HESX1: variants seen among roughly 807,000 people sequenced by gnomAD.
HESX1 encodes the protein homeobox expressed in ES cells 1.
HESX1 carries 11 observed loss-of-function variants against 22.5 expected under a neutral mutation model. The ratio of observed to expected loss-of-function variants is 0.49; its 90% CI spans 0.31 to 0.81. HESX1 has a LOEUF of 0.81. HESX1 is among the 30% of genes least tolerant of loss of function. The pLI is 0.05. For synonymous variants in HESX1, 74 were observed against 76.5 expected, an observed-to-expected ratio of 0.97 and a Z score of 0.17; for missense variants, 201 against 212.6, an observed-to-expected ratio of 0.95 and a Z score of 0.34.
At chr3:57,213,693 G>A (rs1579361393) in intron 1 of HESX1, among the ~76,000 whole-genome samples, 1 of 152,156 alleles carries the variant, frequency 6.6e-6, no homozygotes, top group African/African-American at 2.4e-5. Flanking sequence ...TTGGGAGGTC[G>A]AGGCAGGCGG....
rs1559496395 is a variant in HESX1, at chr3:57,197,965, T to C, written c.*232A>G. On this transcript the variant is annotated 3_prime_UTR_variant, in exon 4 of 4. Transcript: ENST00000295934. ...AGATTAATTTGGCTTACTTAAAAAA[T>C]AGCAATCTTTTCTGAAAATGTTTAT... The C allele has an allele frequency of 2.8e-6, 1 of 353,746 alleles. No homozygotes were observed. Among genetic ancestry groups the C allele is most frequent in the Non-Finnish European group, 5.1e-6 (1 of 197,898 alleles). The allele number at this position is 353,746 out of a possible 1,614,324, so 21.9% of individuals were successfully genotyped here. A position where few individuals can be genotyped will look rare whatever the true frequency, so the allele number is the denominator to read the frequency against.
rs770965037 is a variant in HESX1, at chr3:57,199,872, G to A, written c.47C>T (p.Pro16Leu). The change falls in exon 1 of 4, where the codon CCC becomes CTC. Residue 16 changes from proline (P) to leucine (L), a missense_variant. Pro to Leu is a moderately conservative substitution (Grantham distance 98, BLOSUM62 -3). Coordinates refer to ENST00000295934, the MANE Select transcript of HESX1 (RefSeq NM_003865.3). ...CTCAATTGAAAAGGAGCAAGTTGAG[G>A]GTTTGTTTTCCCCGAGCTGAGCGCC... Reference protein sequence around the residue: ...QEGAQLGENKPSTCSFSIERI... With the variant: ...QEGAQLGENKLSTCSFSIERI... 4.3e-6 allele frequency: 7 copies of A among 1,613,882 alleles called. No individual in the cohort carries two copies. In the Admixed American group the frequency reaches 8.3e-5, roughly 19 times the overall value.
At chr3:57,213,506 C>G (rs1307091323) in intron 1 of HESX1, among the ~76,000 whole-genome samples, 1 of 152,204 alleles carries the variant, frequency 6.6e-6, no homozygotes, top group Non-Finnish European at 1.5e-5. Context: ...CCAAAGGGCT[C>G]AGGCCTAAAC....
intron 1 of HESX1, among the ~76,000 whole-genome samples, chr3:57,209,365 G>A (rs963840573): frequency 1.3e-4 from 20 of 152,152 alleles, no homozygotes; most frequent in Non-Finnish European, 2.9e-4. Context: ...GTGATGATAG[G>A]CCGGGCGCAG....
intron 1 of HESX1, 126 bp downstream of exon 1, chr3:57,199,633 AAAT>A (rs1559497262): frequency 5.5e-5 from 30 of 549,606 alleles, no homozygotes; most frequent in Admixed American, 1.9e-4. Context: ...AAAAAAAAAA[AAAT>A]AATAAATAAT....
intron 1 of HESX1, among the ~76,000 whole-genome samples, chr3:57,209,918 T>C (rs978612447): frequency 1.3e-5 from 2 of 152,174 alleles, no homozygotes; most frequent in Non-Finnish European, 2.9e-5. Flanking sequence ...CTTTTATCAT[T>C]TGGTAGCTGA....
intron 1 of HESX1, among the ~76,000 whole-genome samples, chr3:57,211,252 G>A (rs1308299014): frequency 6.6e-6 from 1 of 151,702 alleles, no homozygotes; most frequent in African/African-American, 2.4e-5. Flanking sequence ...TCTAGGCCAG[G>A]TGCCATAGCT....
At chr3:57,207,932 C>T (rs999286551) in intron 1 of HESX1, among the ~76,000 whole-genome samples, 8 of 152,160 alleles carry the variant, frequency 5.3e-5, no homozygotes, top group Non-Finnish European at 1.2e-4. Context: ...GCCAATCTGA[C>T]GCATAAAATA....
chr3:57,223,893 G>A (rs2060628123), intron 1 of HESX1, among the ~76,000 whole-genome samples: 2 of 152,260 alleles, frequency 1.3e-5, no homozygotes, highest in South Asian at 4.1e-4. Flanking sequence ...TTTGTGAGTA[G>A]GTGGTTTCCA....
chr3:57,198,612 C>G, intron 2 of HESX1, 120 bp from the exon 3 acceptor site: 1 of 1,027,116 alleles, frequency 9.7e-7, no homozygotes, highest in South Asian at 1.4e-5. Context: ...AAATGATTAC[C>G]TGGAAATTGT....
rs919124028 is a variant in HESX1, at chr3:57,199,803, A to G, written c.116T>C (p.Met39Thr). ...GTCTGCCCAGGGCCTGTGGGGTTTCATTAATGGAACACAGTCTTTCTTCTG... is the reference window on the plus strand; with the variant it reads ...GTCTGCCCAGGGCCTGTGGGGTTTCGTTAATGGAACACAGTCTTTCTTCTG... ...LDQKKDCVPL[M>T]KPHRPWADTC... Residue 39 changes from methionine (M) to threonine (T), a missense_variant, in exon 1 of 4, where the codon ATG becomes ACG. Coordinates refer to ENST00000295934, the MANE Select transcript of HESX1 (RefSeq NM_003865.3). 3 of 1,614,112 alleles carry G rather than the reference A, an allele frequency of 1.9e-6. No individual in the cohort carries two copies. Among genetic ancestry groups the G allele is most frequent in the Non-Finnish European group, 2.5e-6 (3 of 1,180,000 alleles).
At chr3:57,203,051 C>T (rs2060499202), upstream of HESX1, among the ~76,000 whole-genome samples, 1 of 152,136 alleles carries the variant, frequency 6.6e-6, no homozygotes, top group East Asian at 1.9e-4. Flanking sequence ...TTATAAAGGA[C>T]ATGGTAAGGA....
At chr3:57,227,319 A>G (rs1203990740), upstream of HESX1, among the ~76,000 whole-genome samples, 2 of 152,192 alleles carry the variant, frequency 1.3e-5, no homozygotes, top group Non-Finnish European at 2.9e-5. Context: ...ATTCTGCTGG[A>G]GGGGATTAAG....
At chr3:57,217,577 T>C (rs1013694419) in intron 1 of HESX1, among the ~76,000 whole-genome samples, 2 of 152,120 alleles carry the variant, frequency 1.3e-5, no homozygotes, top group African/African-American at 4.8e-5. Flanking sequence ...AAAGCCCTTC[T>C]CTTCCTACTT....
intron 1 of HESX1, among the ~76,000 whole-genome samples, chr3:57,219,849 T>A (rs1249480239): frequency 6.6e-6 from 1 of 152,240 alleles, no homozygotes; most frequent in Non-Finnish European, 1.5e-5. Context: ...TTTAATGAGA[T>A]CCCATTTGTC....
At chr3:57,210,440 A>G (rs1438793912) in intron 1 of HESX1, among the ~76,000 whole-genome samples, 4 of 152,244 alleles carry the variant, frequency 2.6e-5, no homozygotes, top group Non-Finnish European at 5.9e-5. Context: ...AACCAGCCAT[A>G]CAATTATTAT....
intron 1 of HESX1, 119 bp downstream of exon 1, chr3:57,199,640 AAAT>A (rs2060471876): frequency 3.5e-6 from 2 of 567,826 alleles, no homozygotes; most frequent in Non-Finnish European, 5.1e-6. Flanking sequence ...AAAAAATAAT[AAAT>A]AATAATAATA....
upstream of HESX1, among the ~76,000 whole-genome samples, chr3:57,202,629 C>G (rs1426294214): frequency 6.6e-6 from 1 of 152,182 alleles, no homozygotes; most frequent in Non-Finnish European, 1.5e-5. Flanking sequence ...GAGCCACCAC[C>G]ATGCTTGGCC....
intron 1 of HESX1, among the ~76,000 whole-genome samples, chr3:57,220,511 C>A (rs949776913): frequency 6.6e-6 from 1 of 152,154 alleles, no homozygotes; most frequent in East Asian, 1.9e-4. Flanking sequence ...CTCACCGCAA[C>A]CTCTGCCCCC....
Sources: gnomAD v4.1 joint callset for allele counts (sites outside exome capture counted in the v4.1 genomes callset) on GRCh38, gnomAD v4.1.1 for gene constraint, MANE v1.5 for transcripts, NCBI Gene and HGNC (gene_info 2026-07-23, HGNC 2026-07-21) for gene names.